Variants in MAF observed in about 807,000 individuals in gnomAD.
MAF encodes the protein MAF bZIP transcription factor.
In MAF, 10 loss-of-function variants were observed where a neutral mutation model predicts 22.0. That is an observed-to-expected ratio of 0.45 (90% CI 0.28 to 0.77). The LOEUF (loss-of-function observed/expected upper bound fraction) is 0.77. Ranked by LOEUF, MAF falls within the 30% of genes least tolerant of loss-of-function variation. MAF has a pLI of 0.12. For missense variants in MAF, 544 were observed against 548.4 expected (o/e 0.99, Z 0.08); for synonymous variants, 337 against 255.8 (o/e 1.32, Z -3.03).
the MAF span, chr16:79,211,610 A>T: frequency 6.2e-7 from 1 of 1,614,126 alleles, no homozygotes; most frequent in East Asian, 2.2e-5. Context: ...ATTTCCAGCA[A>T]CAGGGAGCTG....
At chr16:79,304,121 C>T in the MAF span, among the ~76,000 whole-genome samples, 1 of 152,268 alleles carries the variant, frequency 6.6e-6, no homozygotes, top group East Asian at 1.9e-4. Context: ...GCTTGGCAGG[C>T]GAAGACAGAA....
chr16:79,453,440 T>A, the MAF span, among the ~76,000 whole-genome samples: 15 of 152,224 alleles, frequency 9.9e-5, no homozygotes, highest in African/African-American at 3.4e-4. Context: ...AAAGGACCAT[T>A]CTGCCATCAG....
chr16:79,350,865 A>AGG, the MAF span, among the ~76,000 whole-genome samples: 180 of 94,990 alleles, frequency 1.9e-3, 4 homozygotes, highest in African/African-American at 7.3e-3. Flanking sequence ...TAACAGTGAG[A>AGG]AGTGTGTGTG....
Position 79,599,327 on chromosome 16 carries a change from G to A in MAF, c.576C>T (p.His192=), listed in dbSNP as rs900138392. The part of the protein sequence containing the change: ...HHHHHHAAGH[H]HHPTAGAPGA... ...CGGGCGCGCCGGCCGTCGGGTGGTGGTGGTGGCCGGCGGCGTGGTGGTGGT... is the reference window on the plus strand; with the variant it reads ...CGGGCGCGCCGGCCGTCGGGTGGTGATGGTGGCCGGCGGCGTGGTGGTGGT... The change falls in exon 1 of 2, where the codon CAC becomes CAT. Residue 192 remains histidine, a synonymous_variant. Coordinates refer to ENST00000326043, the MANE Select transcript of MAF (RefSeq NM_005360.5). 1.0e-5 allele frequency: 10 copies of A among 986,732 alleles called. No individual in the cohort carries two copies. Among genetic ancestry groups the A allele is most frequent in the Non-Finnish European group, 1.2e-5 (10 of 832,516 alleles). 61.1% of individuals were successfully genotyped at this position (986,732 alleles called of 1,614,324 possible). A position where few individuals can be genotyped will look rare whatever the true frequency, so the allele number is the denominator to read the frequency against.
At chr16:79,208,655 A>C in the MAF span, among the ~76,000 whole-genome samples, 1 of 152,024 alleles carries the variant, frequency 6.6e-6, no homozygotes, top group African/African-American at 2.4e-5. Context: ...CAGTTTAAGA[A>C]TGCTTTCTCT....
chr16:79,390,859 T>G, the MAF span, among the ~76,000 whole-genome samples: 1 of 152,188 alleles, frequency 6.6e-6, no homozygotes, highest in Non-Finnish European at 1.5e-5. Context: ...AGGAAAGGGT[T>G]TGCTCACACC....
the MAF span, among the ~76,000 whole-genome samples, chr16:79,283,652 A>T: frequency 6.6e-6 from 1 of 152,218 alleles, no homozygotes; most frequent in South Asian, 2.1e-4. Context: ...AAATTGTCCA[A>T]ATATGGTAGT....
the MAF span, among the ~76,000 whole-genome samples, chr16:79,533,434 C>G: frequency 1.9e-3 from 286 of 152,272 alleles, 1 homozygote; most frequent in Admixed American, 2.1e-3. Flanking sequence ...CAGCTTGCTG[C>G]TCTAAACCCC....
chr16:79,460,687 T>G, the MAF span, among the ~76,000 whole-genome samples: 1 of 152,206 alleles, frequency 6.6e-6, no homozygotes, highest in South Asian at 2.1e-4. Context: ...TACAGTTTAA[T>G]TGGGGTAGGG....
At chr16:79,560,792 C>T in the MAF span, among the ~76,000 whole-genome samples, 1 of 152,188 alleles carries the variant, frequency 6.6e-6, no homozygotes, top group Non-Finnish European at 1.5e-5. Flanking sequence ...TTTTCATAAT[C>T]CCTAGGTCAC....
the MAF span, among the ~76,000 whole-genome samples, chr16:79,527,342 A>C: frequency 6.6e-6 from 1 of 152,194 alleles, no homozygotes; most frequent in Non-Finnish European, 1.5e-5. Context: ...AAATAACCTC[A>C]AAAAGAAAGC....
chr16:79,411,578 G>A, the MAF span, among the ~76,000 whole-genome samples: 55,560 of 151,800 alleles, frequency 0.37, 12,085 homozygotes, highest in East Asian at 0.84. Flanking sequence ...TTTGCCCTGA[G>A]TGATGGAGGC....
At chr16:79,394,400 G>T in the MAF span, among the ~76,000 whole-genome samples, 2 of 152,124 alleles carry the variant, frequency 1.3e-5, no homozygotes, top group East Asian at 3.9e-4. Flanking sequence ...TTGTCCCACA[G>T]GCCAAATTGG....
chr16:79,215,811 T>G, the MAF span, among the ~76,000 whole-genome samples: 1 of 152,184 alleles, frequency 6.6e-6, no homozygotes, highest in Non-Finnish European at 1.5e-5. Flanking sequence ...ACATCTTGGG[T>G]CTGTAGGAGT....
At chr16:79,461,094 T>C in the MAF span, among the ~76,000 whole-genome samples, 4 of 152,198 alleles carry the variant, frequency 2.6e-5, no homozygotes, top group Admixed American at 2.6e-4. Flanking sequence ...AAAGTAGGCA[T>C]AACAGTAACT....
chr16:79,492,344 G>C, the MAF span, among the ~76,000 whole-genome samples: 3 of 152,180 alleles, frequency 2.0e-5, no homozygotes, highest in South Asian at 4.1e-4. Flanking sequence ...AATACAAAAA[G>C]TCAAAACAAA....
At chr16:79,556,587 T>C in the MAF span, among the ~76,000 whole-genome samples, 1 of 152,212 alleles carries the variant, frequency 6.6e-6, no homozygotes, top group South Asian at 2.1e-4. Context: ...AAATTGAATA[T>C]ATAACACAAA....
chr16:79,279,790 AT>A, the MAF span, among the ~76,000 whole-genome samples: 1 of 151,772 alleles, frequency 6.6e-6, no homozygotes, highest in East Asian at 1.9e-4. Flanking sequence ...TCTTTTATAT[AT>A]TTTTTTAACA....
chr16:79,367,423 C>T, the MAF span, among the ~76,000 whole-genome samples: 1 of 152,168 alleles, frequency 6.6e-6, no homozygotes, highest in Non-Finnish European at 1.5e-5. Flanking sequence ...GACACCGTTA[C>T]AGGGCTACTT....
Sources: gnomAD v4.1 joint callset for allele counts (sites outside exome capture counted in the v4.1 genomes callset) on GRCh38, gnomAD v4.1.1 for gene constraint, MANE v1.5 for transcripts, NCBI Gene and HGNC (gene_info 2026-07-23, HGNC 2026-07-21) for gene names.